Variants in PCDH7 observed in about 807,000 individuals in gnomAD.
PCDH7 encodes the protein protocadherin-7.
In PCDH7, 17 loss-of-function variants were observed where a neutral mutation model predicts 58.9. That is an observed-to-expected ratio of 0.29 (90% CI 0.20 to 0.43). The LOEUF is 0.43. Among genes scored for constraint, PCDH7 ranks in the 20% least tolerant of loss-of-function variants. The pLI, the probability that PCDH7 is intolerant of heterozygous loss-of-function variation, is 1.00. For synonymous variants in PCDH7, 664 were observed against 616.4 expected (o/e 1.08, Z -1.14); for missense variants, 1,274 against 1,441.0 (o/e 0.88, Z 1.88).
chr4:30,995,516 G>GA (rs113854072), intron 3 of PCDH7, among the ~76,000 whole-genome samples: 202 of 140,290 alleles, frequency 1.4e-3, no homozygotes, highest in Middle Eastern at 3.7e-3. Context: ...CCTCCCAAAG[G>GA]AAAAAAAAAA....
chr4:31,119,997 G>A lies in PCDH7; in HGVS notation c.*8-22476G>A, dbSNP rs534741588. Among the ~76,000 whole-genome samples the A allele has an allele frequency of 8.1e-4, 122 of 151,386 alleles. 1 individual carries two copies. The highest frequency in any genetic ancestry group is 2.8e-3 in the African/African-American group (114 of 41,216). ...TAAATGCCTTTTCCTGGTGCTGGCT[G>A]CGACCAATTATTATTTTAGAGAGGC... On this transcript the variant is annotated intron_variant, in intron 3 of 3. Transcript: ENST00000509759.
chr4:30,775,237 T>C (rs1721907294), intron 1 of PCDH7, among the ~76,000 whole-genome samples: 1 of 152,166 alleles, frequency 6.6e-6, no homozygotes. Flanking sequence ...TGACTAGCTT[T>C]TTAAAGTAAT....
intron 1 of PCDH7, among the ~76,000 whole-genome samples, chr4:30,878,166 A>T (rs1736523894): frequency 6.6e-6 from 1 of 152,092 alleles, no homozygotes; most frequent in Non-Finnish European, 1.5e-5. Context: ...ATGCTGGTGC[A>T]ATGGGTTGAC....
rs116651908 is a variant in PCDH7, at chr4:31,054,754, C to T, written c.*8-87719C>T. Among the ~76,000 whole-genome samples the T allele has an allele frequency of 7.1e-3, 1,074 of 152,182 alleles. 11 individuals are homozygous for T. Among genetic ancestry groups the T allele is most frequent in the African/African-American group, 0.018 (734 of 41,524 alleles). ...TGATGAAAGATGCCAAACAGGTGTG[C>T]TAATATCTGGTCTAGTATGACCTCA... On this transcript the variant is annotated intron_variant, in intron 3 of 3. Coordinates refer to the PCDH7 transcript ENST00000509759.
At position 30,723,233 on chromosome 4, in the gene PCDH7, G is replaced by A. The variant is rs757918914; in HGVS notation, c.1811G>A (p.Arg604Lys). ...GTGCTGGACCGCGAGCAGACTGACA[G>A]GTATGAGTTTAAAGTTAACGCCAAA... is the stretch of plus-strand genomic sequence containing the variant. Residue 604 changes from arginine to lysine, a missense_variant, in exon 1 of 2, where the codon AGG (arginine) becomes AAG (lysine). By Grantham distance (26) the Arg-to-Lys change is conservative. Transcript: ENST00000361762. The surrounding 1 kb of genome is among the most constrained non-coding windows in gnomAD (Gnocchi z 4.6). The A allele has an allele frequency of 6.8e-6, 11 of 1,614,216 alleles. No homozygotes were observed. The South Asian group carries it at 1.2e-4, about 18-fold the overall frequency.
At chr4:31,140,810 T>C (rs1057252784) in intron 3 of PCDH7, among the ~76,000 whole-genome samples, 7 of 152,188 alleles carry the variant, frequency 4.6e-5, no homozygotes, top group African/African-American at 1.7e-4. Flanking sequence ...AAAGTACTTT[T>C]TTCTTTTGAT....
intron 3 of PCDH7, among the ~76,000 whole-genome samples, chr4:31,041,533 C>G (rs975645112): frequency 5.3e-5 from 8 of 152,072 alleles, no homozygotes; most frequent in African/African-American, 1.9e-4. Flanking sequence ...CAATTCTAAG[C>G]AAAATCCTGA....
At chr4:31,106,361 C>T (rs1715578048) in intron 3 of PCDH7, among the ~76,000 whole-genome samples, 1 of 152,134 alleles carries the variant, frequency 6.6e-6, no homozygotes, top group Non-Finnish European at 1.5e-5. Context: ...AGATGTGCTG[C>T]TAGGGAGGAT....
rs112286753 is a variant in PCDH7 at position 30,759,412 on chromosome 4, G to T, written c.70+34816G>T. On this transcript the variant is annotated intron_variant, in intron 1 of 3. Coordinates refer to the PCDH7 transcript ENST00000509759. ...AATAGAATGAGTTTCTTAGAATTCG[G>T]TGAATCGGCTTTCAGGAAATTCTGG... Among the ~76,000 whole-genome samples the T allele has an allele frequency of 1.2e-4, 19 of 152,266 alleles. 1 individual carries two copies. Among genetic ancestry groups the T allele is most frequent in the African/African-American group, 3.9e-4 (16 of 41,554 alleles).
chr4:30,762,594 G>A (rs777635106), intron 1 of PCDH7, among the ~76,000 whole-genome samples: 2 of 152,196 alleles, frequency 1.3e-5, no homozygotes, highest in African/African-American at 2.4e-5. Flanking sequence ...TTTGAAGATC[G>A]ATTGAAGCTA....
Position 31,104,113 on chromosome 4 carries a change from C to A in PCDH7, c.*8-38360C>A, listed in dbSNP as rs146901892. On this transcript the variant is annotated intron_variant, in intron 3 of 3. Transcript: ENST00000509759. Reference sequence around the variant, plus strand: ...TTCACCTAAACAAGGGCTCCTATAGCATAATGCTACAGAAAGTGCATTGCA... The same window carrying A: ...TTCACCTAAACAAGGGCTCCTATAGAATAATGCTACAGAAAGTGCATTGCA... 1.5e-4 allele frequency among the ~76,000 whole-genome samples: 23 copies of A among 152,314 alleles called. No homozygotes were observed. The East Asian group carries it at 4.4e-3, about 29-fold the overall frequency.
At chr4:31,036,892 C>T (rs1755456046) in intron 3 of PCDH7, among the ~76,000 whole-genome samples, 1 of 152,142 alleles carries the variant, frequency 6.6e-6, no homozygotes, top group Admixed American at 6.5e-5. Flanking sequence ...CTCATGGTGG[C>T]AGACCAGAGA....
chr4:30,983,551 T>G (rs1422326100), intron 3 of PCDH7, among the ~76,000 whole-genome samples: 1 of 152,210 alleles, frequency 6.6e-6, no homozygotes, highest in Non-Finnish European at 1.5e-5. Flanking sequence ...ACTTATACAT[T>G]TGCATGATCA....
At chr4:30,757,965 A>G (rs1719534288) in intron 1 of PCDH7, among the ~76,000 whole-genome samples, 1 of 152,188 alleles carries the variant, frequency 6.6e-6, no homozygotes. Context: ...CAGCCTTGCT[A>G]AAAATCACTG....
intron 3 of PCDH7, among the ~76,000 whole-genome samples, chr4:31,065,912 T>C (rs940252340): frequency 3.3e-5 from 5 of 151,930 alleles, no homozygotes; most frequent in Admixed American, 6.6e-5. Context: ...CTGCGAAAAA[T>C]TGAGTTATTT....
chr4:30,902,825 AAT>A (rs996702059), intron 1 of PCDH7, among the ~76,000 whole-genome samples: 2 of 152,170 alleles, frequency 1.3e-5, no homozygotes, highest in Non-Finnish European at 2.9e-5. Flanking sequence ...GTAGTAATAA[AAT>A]ATGATTGTTC....
At chr4:30,797,069 T>G (rs1724878126) in intron 1 of PCDH7, among the ~76,000 whole-genome samples, 1 of 151,870 alleles carries the variant, frequency 6.6e-6, no homozygotes, top group Admixed American at 6.6e-5. Context: ...CAAGCAATTC[T>G]CGTGCTTCAG....
chr4:30,820,781 C>T (rs1227553999), intron 1 of PCDH7, among the ~76,000 whole-genome samples: 5 of 151,920 alleles, frequency 3.3e-5, no homozygotes, highest in African/African-American at 1.2e-4. Flanking sequence ...CTATTTAGTA[C>T]ATTTGCAAAA....
intron 1 of PCDH7, among the ~76,000 whole-genome samples, chr4:30,881,819 T>A (rs1327954282): frequency 2.6e-5 from 4 of 152,176 alleles, no homozygotes; most frequent in Non-Finnish European, 5.9e-5. Context: ...GAAATAGTCC[T>A]TGAATTGATG....
Sources: allele counts gnomAD v4.1 joint callset (sites outside exome capture counted in the v4.1 genomes callset), GRCh38; gene constraint gnomAD v4.1.1; non-coding constraint Gnocchi (gnomAD v3.1); transcripts MANE v1.5; gene names NCBI Gene and HGNC (gene_info 2026-07-23, HGNC 2026-07-21).